The following CENPO variants were observed in gnomAD, a reference collection of about 807,000 sequenced individuals.
CENPO encodes the protein centromeric protein O.
In CENPO, 30 loss-of-function variants were observed where a neutral mutation model predicts 36.1. The observed-to-expected ratio is 0.83, with a 90% CI of 0.62 to 1.13. CENPO has a LOEUF of 1.13. CENPO is among the 50% of genes most tolerant of loss of function. The probability of loss-of-function intolerance (pLI) is 0.00; values close to 1 mark genes in which losing one functional copy is unlikely to be tolerated. For missense variants in CENPO, 349 were observed against 357.8 expected, an observed-to-expected ratio of 0.98 and a Z score of 0.20; for synonymous variants, 171 against 142.3, an observed-to-expected ratio of 1.20 and a Z score of -1.44.
chr2:24,810,511 T>G lies in CENPO; in HGVS notation c.217-3865T>G, dbSNP rs974125054. Among the ~76,000 whole-genome samples the G allele has an allele frequency of 2.1e-4, 31 of 150,236 alleles. No individual in the cohort carries two copies. The East Asian group carries it at 5.2e-3, about 25-fold the overall frequency. On this transcript the variant is annotated intron_variant, in intron 3 of 7. Coordinates refer to ENST00000380834, the MANE Select transcript of CENPO (RefSeq NM_001322101.2). ...TAACGTTTGCAGGTTAAGGTTTTTTTTTTTTTTTTTTTTGAGATGGAGTTT... is the reference window on the plus strand; with the variant it reads ...TAACGTTTGCAGGTTAAGGTTTTTTGTTTTTTTTTTTTTGAGATGGAGTTT...
chr2:24,808,448 C>T (rs578031986), intron 3 of CENPO, among the ~76,000 whole-genome samples: 17 of 152,218 alleles, frequency 1.1e-4, no homozygotes, highest in South Asian at 2.1e-4. Context: ...GTTATCCACC[C>T]GCCTCAGCCT....
Position 24,821,237 on chromosome 2 carries a change from G to A in CENPO, c.*1919G>A, listed in dbSNP as rs760190904. 5 of 461,126 alleles carry A rather than the reference G, an allele frequency of 1.1e-5. No homozygotes were observed. The highest frequency in any genetic ancestry group is 3.0e-5 in the South Asian group (1 of 33,818). The allele number at this position is 461,126 out of a possible 1,614,324, so 28.6% of individuals were successfully genotyped here. ...CCTCAGCAGGCACAGCAACCCCTCTGGAAATGGATCACAAACTCACTTCTC... is the reference window on the plus strand; with the variant it reads ...CCTCAGCAGGCACAGCAACCCCTCTAGAAATGGATCACAAACTCACTTCTC... On this transcript the variant is annotated 3_prime_UTR_variant, in exon 8 of 8. Transcript: ENST00000380834.
In CENPO at chr2:24,793,590, C is replaced by A. The variant is rs191218259; in HGVS notation, c.-69+89C>A. ...CGGGCTGAACGGCCTTCTTAAAACT[C>A]CTTCCGTGGCCGGGAAGCCCGCTGG... On this transcript the variant is annotated intron_variant, in intron 1 of 7. Transcript: ENST00000380834. The A allele has an allele frequency of 1.7e-5, 25 of 1,460,390 alleles. No homozygotes were observed. The Middle Eastern group carries it at 5.8e-4, about 34-fold the overall frequency. The allele number at this position is 1,460,390 out of a possible 1,614,324, so 90.5% of individuals were successfully genotyped here. A position where few individuals can be genotyped will look rare whatever the true frequency, so the allele number is the denominator to read the frequency against.
intron 6 of CENPO, among the ~76,000 whole-genome samples, chr2:24,817,232 C>T (rs898554212): frequency 6.6e-6 from 1 of 152,170 alleles, no homozygotes; most frequent in African/African-American, 2.4e-5. Flanking sequence ...ACGGAGCAGT[C>T]TCTAAATGGA....
rs755914822 is a variant in CENPO, at chr2:24,816,641, CTT to C, written c.595-4_595-3del. Reference sequence around the variant, plus strand: ...CTACTTCGTTTTGTTCCTCACCCCTCTTAGAGTGACTTTGCAGCCCTCCTGAC... The same window carrying C: ...CTACTTCGTTTTGTTCCTCACCCCTCAGAGTGACTTTGCAGCCCTCCTGAC... On this transcript the variant is annotated splice_region_variant and splice_polypyrimidine_tract_variant and intron_variant, in intron 5 of 7. Coordinates refer to ENST00000380834, the MANE Select transcript of CENPO (RefSeq NM_001322101.2). 3.1e-6 allele frequency: 5 copies of C among 1,601,768 alleles called. No individual in the cohort carries two copies. The African/African-American group carries it at 6.7e-5, about 21-fold the overall frequency.
At chr2:24,819,317 T>C (rs1286407059) in intron 7 of CENPO, 37 bp from the exon 8 acceptor site, 1 of 152,500 alleles carries the variant, frequency 6.6e-6, no homozygotes, top group Non-Finnish European at 1.5e-5. Flanking sequence ...ATTAAAAATA[T>C]AAATGTAGAA....
At position 24,814,429 on chromosome 2, in the gene CENPO, G is replaced by C. The variant is rs1040427824; in HGVS notation, c.270G>C (p.Glu90Asp). ...CCAACCAAACAGTGGAGATCAATGA[G>C]CAAGAAGCATTGGAAGAGAAATTGG... ...VEPNQTVEINEQEALEEKLEN... is the reference protein window; with the variant it reads ...VEPNQTVEINDQEALEEKLEN... Residue 90 changes from glutamate to aspartate, a missense_variant, in exon 4 of 8, where the codon GAG (glutamate) becomes GAC (aspartate). Coordinates refer to ENST00000380834, the MANE Select transcript of CENPO (RefSeq NM_001322101.2). 6.2e-7 allele frequency: 1 copy of C among 1,607,354 alleles called. No individual in the cohort carries two copies. Among genetic ancestry groups the C allele is most frequent in the Non-Finnish European group, 8.5e-7 (1 of 1,173,960 alleles).
Position 24,820,040 on chromosome 2 carries a change from C to G in CENPO, c.*722C>G, listed in dbSNP as rs909892799. On this transcript the variant is annotated 3_prime_UTR_variant, in exon 8 of 8. Coordinates refer to ENST00000380834, the MANE Select transcript of CENPO (RefSeq NM_001322101.2). ...AGAAGGTCAGCAGCTCCCCCTTCCC[C>G]TTCACAAAGATGGGGCCTCGCCTCA... 7 of 1,607,938 alleles carry G rather than the reference C, an allele frequency of 4.4e-6. No homozygotes were observed. The highest frequency in any genetic ancestry group is 5.9e-6 in the Non-Finnish European group (7 of 1,177,376).
At chr2:24,810,096 T>G (rs1666608815) in intron 3 of CENPO, among the ~76,000 whole-genome samples, 1 of 152,186 alleles carries the variant, frequency 6.6e-6, no homozygotes, top group Admixed American at 6.5e-5. Flanking sequence ...GTCTACTTGT[T>G]TTATTACTGA....
At chr2:24,814,311 G>C in intron 3 of CENPO, 65 bp from the exon 4 acceptor site, 2 of 809,168 alleles carry the variant, frequency 2.5e-6, no homozygotes, top group South Asian at 1.3e-5. Context: ...CATCCAGTTG[G>C]GGGAGGGCGG....
chr2:24,820,152 GGGGAGCCTAGACTGAGGGCGGGT>G lies in CENPO; in HGVS notation c.*838_*860del. ...GGGGAGCAAGAACGTGGCGTTACGG[GGGGAGCCTAGACTGAGGGCGGGT>G]GGGGGCTTTGGGTGGTTGGAGCCGA... is the stretch of plus-strand genomic sequence containing the variant. On this transcript the variant is annotated 3_prime_UTR_variant, in exon 8 of 8. Coordinates refer to ENST00000380834, the MANE Select transcript of CENPO (RefSeq NM_001322101.2). 6.6e-7 allele frequency: 1 copy of G among 1,504,680 alleles called. No individual in the cohort carries two copies. The highest frequency in any genetic ancestry group is 8.9e-7 in the Non-Finnish European group (1 of 1,120,256). 93.2% of individuals were successfully genotyped at this position (1,504,680 alleles called of 1,614,324 possible). A position where few individuals can be genotyped will look rare whatever the true frequency, so the allele number is the denominator to read the frequency against.
At chr2:24,814,298 T>C in intron 3 of CENPO, 78 bp from the exon 4 acceptor site, 1 of 780,570 alleles carries the variant, frequency 1.3e-6, no homozygotes, top group Non-Finnish European at 2.4e-6. Context: ...TGTATTTAGC[T>C]TTCATCCAGT....
chr2:24,809,584 C>A (rs2148277039), intron 3 of CENPO, among the ~76,000 whole-genome samples: 1 of 151,356 alleles, frequency 6.6e-6, no homozygotes, highest in South Asian at 2.1e-4. Context: ...CTTTTATACC[C>A]CACAAGTTTT....
chr2:24,793,601 C>A (rs1572715503), intron 1 of CENPO, 100 bp downstream of exon 1: 1 of 1,447,606 alleles, frequency 6.9e-7, no homozygotes, highest in Admixed American at 2.8e-5. Flanking sequence ...CTTCCGTGGC[C>A]GGGAAGCCCG....
chr2:24,816,567 A>G (rs1352090739), intron 5 of CENPO, 79 bp from the exon 6 acceptor site: 1 of 968,336 alleles, frequency 1.0e-6, no homozygotes, highest in Admixed American at 2.9e-5. Context: ...TTTTTGGTTG[A>G]CGTAATTGAA....
intron 2 of CENPO, among the ~76,000 whole-genome samples, chr2:24,798,917 C>G (rs549193349): frequency 4.0e-5 from 6 of 151,144 alleles, no homozygotes; most frequent in Non-Finnish European, 7.4e-5. Context: ...CATATGAACC[C>G]TACAAAATAG....
rs1296766379 is a variant in CENPO, at chr2:24,806,786, A to G, written c.216+6942A>G. Among the ~76,000 whole-genome samples, 5 of 152,328 alleles carry G rather than the reference A, an allele frequency of 3.3e-5. No individual in the cohort carries two copies. In the East Asian group the frequency reaches 9.6e-4, roughly 29 times the overall value. On this transcript the variant is annotated intron_variant, in intron 3 of 7. Transcript: ENST00000380834. ...GTGTCATTTTTGACATCTGTCATCC[A>G]GACTCAACCTCCTAGGGAGCTTGAC...
In CENPO at chr2:24,814,505, T is replaced by C. The variant is rs1225917408; in HGVS notation, c.334+12T>C. The C allele has an allele frequency of 7.8e-7, 1 of 1,279,594 alleles. No individual in the cohort carries two copies. The highest frequency in any genetic ancestry group is 1.5e-5 in the African/African-American group (1 of 68,358). The allele number at this position is 1,279,594 out of a possible 1,614,324, so 79.3% of individuals were successfully genotyped here. On this transcript the variant is annotated intron_variant, in intron 4 of 7. Transcript: ENST00000380834. ...ATATCATTTTACAGGTTTTGTTTGT[T>C]TTTTTAACCTAATTTAGTCTGGGTC...
chr2:24,801,872 T>C (rs188254262), intron 3 of CENPO, among the ~76,000 whole-genome samples: 1 of 152,306 alleles, frequency 6.6e-6, no homozygotes, highest in Admixed American at 6.5e-5. Flanking sequence ...AGAAAGTCAT[T>C]GGTAGCTTGA....
Sources: gnomAD v4.1 joint callset for allele counts (sites outside exome capture counted in the v4.1 genomes callset) on GRCh38, gnomAD v4.1.1 for gene constraint, MANE v1.5 for transcripts, NCBI Gene and HGNC (gene_info 2026-07-23, HGNC 2026-07-21) for gene names.